Variants in STX11 observed in about 807,000 individuals in gnomAD.
STX11 encodes syntaxin-11.
In STX11, 21 loss-of-function variants were observed where a neutral mutation model predicts 19.9. The observed-to-expected ratio is 1.06, with a 90% CI of 0.75 to 1.52. The LOEUF is 1.52. Ranked by LOEUF, STX11 falls within the 40% of genes most tolerant of loss-of-function variation. The probability of loss-of-function intolerance (pLI) is 0.00; values close to 1 mark genes in which losing one functional copy is unlikely to be tolerated. For synonymous variants in STX11, 193 were observed against 174.4 expected (o/e 1.11, Z -0.84); for missense variants, 438 against 405.9 (o/e 1.08, Z -0.68).
upstream of STX11, among the ~76,000 whole-genome samples, chr6:144,149,582 TC>T (rs1470780312): frequency 6.6e-6 from 1 of 152,204 alleles, no homozygotes; most frequent in African/African-American, 2.4e-5. This position sits in a 1 kb window ranked among gnomAD's most constrained non-coding sequence, Gnocchi z 5.1. Flanking sequence ...CCTCAAGTGA[TC>T]CTCCCACCTT....
At chr6:144,179,409 A>G (rs1801851476) in intron 1 of STX11, among the ~76,000 whole-genome samples, 1 of 152,182 alleles carries the variant, frequency 6.6e-6, no homozygotes, top group Admixed American at 6.5e-5. Context: ...AGTTGAGTGA[A>G]ATTATTGTTT....
chr6:144,185,362 T>G (rs1276968179), intron 1 of STX11, among the ~76,000 whole-genome samples: 1 of 152,232 alleles, frequency 6.6e-6, no homozygotes, highest in Non-Finnish European at 1.5e-5. Context: ...GTTACTACTT[T>G]TCCCCTCTTT....
At chr6:144,186,488 C>A (rs1802037034) in intron 1 of STX11, 135 bp from the exon 2 acceptor site, 1 of 1,030,378 alleles carries the variant, frequency 9.7e-7, no homozygotes, top group Non-Finnish European at 1.5e-6. Context: ...ACATTTAGCT[C>A]CTTTAGTGCA....
rs117235687 is a variant in STX11, at chr6:144,185,967, G to A, written c.-5-656G>A. 1.8e-3 allele frequency among the ~76,000 whole-genome samples: 276 copies of A among 151,982 alleles called. 3 individuals are homozygous for A. The East Asian group carries it at 0.037, about 20-fold the overall frequency. Reference sequence around the variant, plus strand: ...CCAGTGCCGAAATAGACACAAAATAGGCAACATTTAGATGTTGGCCCCAAA... The same window carrying A: ...CCAGTGCCGAAATAGACACAAAATAAGCAACATTTAGATGTTGGCCCCAAA... On this transcript the variant is annotated intron_variant, in intron 1 of 1. Coordinates refer to ENST00000367568, the MANE Select transcript of STX11 (RefSeq NM_003764.4).
At chr6:144,186,054 CTT>C (rs59082171) in intron 1 of STX11, among the ~76,000 whole-genome samples, 4 of 138,308 alleles carry the variant, frequency 2.9e-5, no homozygotes, top group African/African-American at 7.9e-5. Flanking sequence ...CTTCTTTTTT[CTT>C]TTTTTTTTTT....
Position 144,170,621 on chromosome 6 carries a change from A to T in STX11, c.-5-16002A>T, listed in dbSNP as rs1801603848. On this transcript the variant is annotated intron_variant, in intron 1 of 1. Transcript: ENST00000367568. This position sits in a 1 kb window ranked among gnomAD's most constrained non-coding sequence, Gnocchi z 4.7. ...ATTATTATTATATTTTACAAAGAGC[A>T]TGGGTTGCTTTCATAATCAGAAGGA... 6.6e-6 allele frequency among the ~76,000 whole-genome samples: 1 copy of T among 152,210 alleles called. No homozygotes were observed. The highest frequency in any genetic ancestry group is 6.5e-5 in the Admixed American group (1 of 15,280).
At position 144,186,665 on chromosome 6, in the gene STX11, A is replaced by G. The variant is rs1343506662; in HGVS notation, c.38A>G (p.Lys13Arg). 6.2e-7 allele frequency: 1 copy of G among 1,614,056 alleles called. No homozygotes were observed. Among genetic ancestry groups the G allele is most frequent in the Non-Finnish European group, 8.5e-7 (1 of 1,180,054 alleles). ...CTAGCAGAACTTCTGGACTTGTCCA[A>G]GCAATATGACCAGCAGTTCCCAGAC... is the stretch of plus-strand genomic sequence containing the variant. ...DRLAELLDLS[K>R]QYDQQFPDGD... The change falls in exon 2 of 2, where the codon AAG (lysine) becomes AGG (arginine). Residue 13 changes from lysine (K) to arginine (R), a missense_variant. Lys to Arg is a conservative substitution (Grantham distance 26). Transcript: ENST00000367568.
rs1467925745 is a variant in STX11 at position 144,170,764 on chromosome 6, A to G, written c.-5-15859A>G. 6.6e-5 allele frequency among the ~76,000 whole-genome samples: 10 copies of G among 152,242 alleles called. No homozygotes were observed. Among genetic ancestry groups the G allele is most frequent in the Non-Finnish European group, 1.5e-5 (1 of 68,042 alleles). On this transcript the variant is annotated intron_variant, in intron 1 of 1. Coordinates refer to ENST00000367568, the MANE Select transcript of STX11 (RefSeq NM_003764.4). This position sits in a 1 kb window ranked among gnomAD's most constrained non-coding sequence, Gnocchi z 4.7. ...ATGAGACAGAAAATAAACTGTTAGTAGTGTAATTAACAAATGGCATCATTT... is the reference window on the plus strand; with the variant it reads ...ATGAGACAGAAAATAAACTGTTAGTGGTGTAATTAACAAATGGCATCATTT...
In STX11 at chr6:144,155,474, GAA is replaced by G. The variant is rs1221456623; in HGVS notation, c.-6+4773_-6+4774del. ...AATCAACATATTTATAGTTGCCCAT[GAA>G]ATGAGAGTGACATGAAGCCTCGCAG... On this transcript the variant is annotated intron_variant, in intron 1 of 1. Coordinates refer to ENST00000367568, the MANE Select transcript of STX11 (RefSeq NM_003764.4). The surrounding 1 kb of genome is among the most constrained non-coding windows in gnomAD (Gnocchi z 4.5). Among the ~76,000 whole-genome samples, 1 of 152,206 alleles carries G rather than the reference GAA, an allele frequency of 6.6e-6. No individual in the cohort carries two copies. Among genetic ancestry groups the G allele is most frequent in the African/African-American group, 2.4e-5 (1 of 41,444 alleles).
In STX11 at chr6:144,169,641, C is replaced by G. The variant is rs1388036806; in HGVS notation, c.-5-16982C>G. On this transcript the variant is annotated intron_variant, in intron 1 of 1. Coordinates refer to ENST00000367568, the MANE Select transcript of STX11 (RefSeq NM_003764.4). The surrounding 1 kb of genome is among the most constrained non-coding windows in gnomAD (Gnocchi z 5.2). ...CCTCCTCCCCTTCCTTTTTTCTCTC[C>G]TTTTCTTTTCCCTCCCTCCCTCCCT... Among the ~76,000 whole-genome samples the G allele has an allele frequency of 2.0e-5, 3 of 151,090 alleles. No homozygotes were observed. Among genetic ancestry groups the G allele is most frequent in the Admixed American group, 1.3e-4 (2 of 15,096 alleles).
rs1194987929 is a variant in STX11 at position 144,177,875 on chromosome 6, A to G, written c.-5-8748A>G. Among the ~76,000 whole-genome samples the G allele has an allele frequency of 6.6e-6, 1 of 152,040 alleles. No individual in the cohort carries two copies. The highest frequency in any genetic ancestry group is 1.9e-4 in the East Asian group (1 of 5,200). On this transcript the variant is annotated intron_variant, in intron 1 of 1. Coordinates refer to ENST00000367568, the MANE Select transcript of STX11 (RefSeq NM_003764.4). The surrounding 1 kb of genome is among the most constrained non-coding windows in gnomAD (Gnocchi z 4.4). ...TTTCAGAGAGTTAATAATTTTATGG[A>G]TTTTTTTTAAAGTTGTGGTGACTTA...
At chr6:144,166,525 C>CT (rs1174123119) in intron 1 of STX11, among the ~76,000 whole-genome samples, 13,663 of 125,508 alleles carry the variant, frequency 0.11, 936 homozygotes, top group East Asian at 0.2. Flanking sequence ...CTTTTCTTTC[C>CT]TTTTTTTTTT....
rs1802105924 is a variant in STX11, at chr6:144,187,920, C to A, written c.*429C>A. 6.3e-6 allele frequency: 2 copies of A among 317,914 alleles called. No individual in the cohort carries two copies. The highest frequency in any genetic ancestry group is 1.3e-5 in the Non-Finnish European group (2 of 159,786). The allele number at this position is 317,914 out of a possible 1,614,324, so 19.7% of individuals were successfully genotyped here. A position where few individuals can be genotyped will look rare whatever the true frequency, so the allele number is the denominator to read the frequency against. The stretch of plus-strand genomic sequence containing the variant: ...GTTCATTTACTTTGTCCTGAAAATT[C>A]CCTGGTTCTGTTCCATTTTGAGCGA... On this transcript the variant is annotated 3_prime_UTR_variant, in exon 2 of 2. Transcript: ENST00000367568. The surrounding 1 kb of genome is among the most constrained non-coding windows in gnomAD (Gnocchi z 5.6).
the STX11 span, among the ~76,000 whole-genome samples, chr6:144,140,245 T>C: frequency 4.0e-5 from 2 of 50,000 alleles, no homozygotes; most frequent in Non-Finnish European, 7.0e-5. Context: ...TATATATATA[T>C]ATATATATAT....
chr6:144,161,077 T>C (rs1168178600), intron 1 of STX11, among the ~76,000 whole-genome samples: 2 of 152,214 alleles, frequency 1.3e-5, no homozygotes, highest in Non-Finnish European at 2.9e-5. Flanking sequence ...TGAACTTGGT[T>C]CATTGCTGAA....
the STX11 span, among the ~76,000 whole-genome samples, chr6:144,141,656 G>T: frequency 5.6e-5 from 4 of 71,802 alleles, no homozygotes; most frequent in East Asian, 4.4e-4. Flanking sequence ...TTTCAGTTTT[G>T]TTGTTGTTGT....
the STX11 span, among the ~76,000 whole-genome samples, chr6:144,143,023 A>G: frequency 6.6e-6 from 1 of 152,180 alleles, no homozygotes; most frequent in African/African-American, 2.4e-5. Flanking sequence ...TACCCCACAA[A>G]TATGTAAAAT....
At chr6:144,140,919 C>G in the STX11 span, 1 of 492,182 alleles carries the variant, frequency 2.0e-6, no homozygotes, top group Non-Finnish European at 2.6e-6. Flanking sequence ...GAAAATTACA[C>G]TTGTTGAAAA....
Position 144,189,740 on chromosome 6 carries a change from A to T in STX11, c.*2249A>T, listed in dbSNP as rs1802166964. Among the ~76,000 whole-genome samples the T allele has an allele frequency of 1.3e-5, 2 of 152,210 alleles. No homozygotes were observed. Among genetic ancestry groups the T allele is most frequent in the Non-Finnish European group, 2.9e-5 (2 of 68,038 alleles). On this transcript the variant is annotated 3_prime_UTR_variant, in exon 2 of 2. Coordinates refer to ENST00000367568, the MANE Select transcript of STX11 (RefSeq NM_003764.4). ...TATCTAATTTTAATTTCATGGTTAA[A>T]TTTGAGAATTGTGGAAACCAAGTTC...
Sources: allele counts gnomAD v4.1 joint callset (sites outside exome capture counted in the v4.1 genomes callset), GRCh38; gene constraint gnomAD v4.1.1; non-coding constraint Gnocchi (gnomAD v3.1); transcripts MANE v1.5; gene names NCBI Gene and HGNC (gene_info 2026-07-23, HGNC 2026-07-21).